The following CLSTN1 variants were observed in gnomAD, a reference collection of about 807,000 sequenced individuals.
CLSTN1 encodes calsyntenin 1.
Under a neutral mutation model 108.3 loss-of-function variants are expected in CLSTN1, and 28 were observed. That is an observed-to-expected ratio of 0.26 (90% CI 0.19 to 0.35). CLSTN1 has a LOEUF of 0.35. Among genes scored for constraint, CLSTN1 ranks in the 10% least tolerant of loss-of-function variants. The probability of loss-of-function intolerance (pLI) is 1.00; values close to 1 mark genes in which losing one functional copy is unlikely to be tolerated. For synonymous variants in CLSTN1, 524 were observed against 534.9 expected (o/e 0.98, Z 0.28); for missense variants, 1,157 against 1,302.6 (o/e 0.89, Z 1.72).
intron 8 of CLSTN1, 82 bp downstream of exon 8, chr1:9,744,313 G>C (rs550564130): frequency 6.6e-7 from 1 of 1,519,884 alleles, no homozygotes; most frequent in East Asian, 2.3e-5. Flanking sequence ...AGGGGACCCT[G>C]GGAAAGGAGA....
intron 1 of CLSTN1, among the ~76,000 whole-genome samples, chr1:9,787,203 C>T (rs1417582319): frequency 1.3e-5 from 2 of 151,090 alleles, no homozygotes; most frequent in Non-Finnish European, 2.9e-5. Flanking sequence ...CTGTTTCCCC[C>T]TTCTTCCATC....
chr1:9,761,492 A>G (rs982552031), intron 2 of CLSTN1, among the ~76,000 whole-genome samples: 3 of 152,190 alleles, frequency 2.0e-5, no homozygotes, highest in African/African-American at 4.8e-5. Flanking sequence ...ACGGAGTGAG[A>G]CCATGTCTAA....
At chr1:9,766,186 G>C (rs1652320658) in intron 2 of CLSTN1, among the ~76,000 whole-genome samples, 1 of 152,028 alleles carries the variant, frequency 6.6e-6, no homozygotes, top group Non-Finnish European at 1.5e-5. Context: ...ACTTAATCTG[G>C]AAAAGCAGGA....
chr1:9,800,741 AAAAAT>A (rs1469231823), intron 1 of CLSTN1, among the ~76,000 whole-genome samples: 2 of 149,216 alleles, frequency 1.3e-5, no homozygotes, highest in East Asian at 1.9e-4. Context: ...AAAAAAAAAT[AAAAAT>A]AAAATAAAAT....
At chr1:9,801,457 T>C (rs1163945425) in intron 1 of CLSTN1, among the ~76,000 whole-genome samples, 1 of 152,238 alleles carries the variant, frequency 6.6e-6, no homozygotes, top group Non-Finnish European at 1.5e-5. Context: ...ATGGGTTCAC[T>C]GGTGAATTGT....
At chr1:9,773,685 A>C (rs1298052473) in intron 1 of CLSTN1, among the ~76,000 whole-genome samples, 1 of 152,174 alleles carries the variant, frequency 6.6e-6, no homozygotes, top group Non-Finnish European at 1.5e-5. Flanking sequence ...CGGGAAGACT[A>C]TCTCTGTTTT....
At chr1:9,756,099 G>A (rs1408888571) in intron 3 of CLSTN1, among the ~76,000 whole-genome samples, 1 of 152,120 alleles carries the variant, frequency 6.6e-6, no homozygotes, top group African/African-American at 2.4e-5. Flanking sequence ...TTCCATTCTT[G>A]TCCATGGGAG....
intron 1 of CLSTN1, among the ~76,000 whole-genome samples, chr1:9,787,401 A>T (rs1653545666): frequency 6.8e-6 from 1 of 148,086 alleles, no homozygotes; most frequent in Non-Finnish European, 1.5e-5. Context: ...TGAGCCTTCT[A>T]ATTTTTTTTT....
intron 1 of CLSTN1, among the ~76,000 whole-genome samples, chr1:9,812,316 G>A (rs1654793764): frequency 6.6e-6 from 1 of 152,082 alleles, no homozygotes; most frequent in Non-Finnish European, 1.5e-5. Context: ...GGGGAAACTT[G>A]CACCCTGAAG....
chr1:9,793,038 G>A (rs1188253433), intron 1 of CLSTN1, among the ~76,000 whole-genome samples: 2 of 151,132 alleles, frequency 1.3e-5, no homozygotes, highest in African/African-American at 4.8e-5. Context: ...TTGAGACAGA[G>A]TCTCAATCTG....
chr1:9,777,617 T>C (rs1653020263), intron 1 of CLSTN1, among the ~76,000 whole-genome samples: 1 of 152,218 alleles, frequency 6.6e-6, no homozygotes, highest in Non-Finnish European at 1.5e-5. Flanking sequence ...ATAAACAATA[T>C]TTTTATGAAA....
At chr1:9,792,705 A>T (rs77601527) in intron 1 of CLSTN1, among the ~76,000 whole-genome samples, 6 of 151,414 alleles carry the variant, frequency 4.0e-5, no homozygotes, top group Non-Finnish European at 1.5e-5. Flanking sequence ...ATGCGTGAAG[A>T]TGGGTCCCTG....
chr1:9,786,867 G>A (rs913628441), intron 1 of CLSTN1, among the ~76,000 whole-genome samples: 1 of 151,142 alleles, frequency 6.6e-6, no homozygotes, highest in Non-Finnish European at 1.5e-5. Context: ...GGCATCATGA[G>A]AAAAGACCAG....
intron 7 of CLSTN1, among the ~76,000 whole-genome samples, chr1:9,746,150 C>G (rs190282315): frequency 1.3e-3 from 194 of 152,258 alleles, no homozygotes; most frequent in African/African-American, 4.3e-3. Context: ...CTAACCTTTT[C>G]CTATTATAAA....
At chr1:9,812,451 A>G (rs1043343639) in intron 1 of CLSTN1, among the ~76,000 whole-genome samples, 1 of 152,128 alleles carries the variant, frequency 6.6e-6, no homozygotes, top group Non-Finnish European at 1.5e-5. Context: ...TGGGCCCACA[A>G]TTTGACTATT....
intron 1 of CLSTN1, among the ~76,000 whole-genome samples, chr1:9,779,191 T>A (rs1272383241): frequency 6.6e-6 from 1 of 152,182 alleles, no homozygotes; most frequent in Non-Finnish European, 1.5e-5. Context: ...CTGAAACGGC[T>A]CTCTGAGAGA....
chr1:9,744,424 T>C lies in CLSTN1; in HGVS notation c.1205A>G (p.Glu402Gly). The C allele has an allele frequency of 1.9e-6, 3 of 1,610,370 alleles. No homozygotes were observed. The highest frequency in any genetic ancestry group is 2.5e-6 in the Non-Finnish European group (3 of 1,179,900). Residue 402 changes from glutamate (E) to glycine (G), a missense_variant, in exon 8 of 19, where the codon GAG becomes GGG. By Grantham distance (98) the Glu-to-Gly change is moderately conservative. Transcript: ENST00000377298. ...MRHGPFGRKK[E>G]TILCSSDKTD... ...TTTATCAGAACTGCAAAGAATTGTC[T>C]CCTTCTTCCTGCCGAATGGCCCATG...
chr1:9,734,937 G>C lies in CLSTN1; in HGVS notation c.2110+11C>G, dbSNP rs17516348. ...GAGGCGAGGGAGCCCGCGCCCCACA[G>C]AGCACATTACCTGTGGGGTCCTCAG... On this transcript the variant is annotated intron_variant, in intron 14 of 18. Transcript: ENST00000377298. This position sits in a 1 kb window ranked among gnomAD's most constrained non-coding sequence, Gnocchi z 4.8. 5,447 of 1,612,080 alleles carry C rather than the reference G, an allele frequency of 3.4e-3. 159 individuals carry two copies. The Admixed American group carries it at 0.058, about 17-fold the overall frequency.
rs1348407475 is a variant in CLSTN1 at position 9,749,801 on chromosome 1, C to A, written c.762G>T (p.Lys254Asn). The part of the protein sequence containing the change: ...KKRATEDVLV[K>N]ISIKPTCTPG... Reference sequence around the variant, plus strand: ...GGGTGCAGGTGGGCTTAATGCTGATCTTCACCAAAACATCTTCTGTGGCTC... The same window carrying A: ...GGGTGCAGGTGGGCTTAATGCTGATATTCACCAAAACATCTTCTGTGGCTC... The change falls in exon 6 of 19, where the codon AAG becomes AAT. Residue 254 changes from lysine (K) to asparagine (N), a missense_variant. Coordinates refer to ENST00000377298, the MANE Select transcript of CLSTN1 (RefSeq NM_001009566.3). 2 of 1,614,220 alleles carry A rather than the reference C, an allele frequency of 1.2e-6. No homozygotes were observed. The highest frequency in any genetic ancestry group is 1.7e-6 in the Non-Finnish European group (2 of 1,180,044).
Sources: allele counts gnomAD v4.1 joint callset (sites outside exome capture counted in the v4.1 genomes callset), GRCh38; gene constraint gnomAD v4.1.1; non-coding constraint Gnocchi (gnomAD v3.1); transcripts MANE v1.5; gene names NCBI Gene and HGNC (gene_info 2026-07-23, HGNC 2026-07-21).